Variants in RREB1 observed in about 807,000 individuals in gnomAD.
RREB1 encodes the protein ras responsive element binding protein 1.
In RREB1, 27 loss-of-function variants were observed where a neutral mutation model predicts 117.8. The observed-to-expected ratio is 0.23, with a 90% confidence interval of 0.17 to 0.32. RREB1 has a LOEUF of 0.32. Ranked by LOEUF, RREB1 falls within the 10% of genes least tolerant of loss-of-function variation. The pLI is 1.00. For missense variants in RREB1, 2,577 were observed against 2,378.2 expected, an observed-to-expected ratio of 1.08 and a Z score of -1.74; for synonymous variants, 1,298 against 1,026.7, an observed-to-expected ratio of 1.26 and a Z score of -5.05.
chr6:7,166,981 C>G (rs1486044822), intron 1 of RREB1, among the ~76,000 whole-genome samples: 1 of 152,132 alleles, frequency 6.6e-6, no homozygotes, highest in Non-Finnish European at 1.5e-5. Flanking sequence ...GAAATGTGAC[C>G]GAAGATACTT....
intron 1 of RREB1, among the ~76,000 whole-genome samples, chr6:7,127,931 C>T (rs978669183): frequency 6.6e-6 from 1 of 151,972 alleles, no homozygotes; most frequent in Non-Finnish European, 1.5e-5. Flanking sequence ...ATCATGTGCC[C>T]GAGGCCTGAA....
At chr6:7,117,180 TA>T (rs989856125) in intron 1 of RREB1, among the ~76,000 whole-genome samples, 7 of 152,268 alleles carry the variant, frequency 4.6e-5, no homozygotes, top group African/African-American at 1.4e-4. Flanking sequence ...ATCATATTTA[TA>T]AAAATAATCA....
intron 10 of RREB1, 113 bp from the exon 11 acceptor site, chr6:7,240,325 G>T (rs1768621230): frequency 3.0e-6 from 2 of 673,222 alleles, no homozygotes; most frequent in Admixed American, 2.9e-5. Context: ...TTCTTGAAGG[G>T]ATGGAGGAGG....
rs757754835 is a variant in RREB1 at position 7,182,094 on chromosome 6, C to T, written c.171+12C>T. 2 of 1,612,518 alleles carry T rather than the reference C, an allele frequency of 1.2e-6. No homozygotes were observed. The highest frequency in any genetic ancestry group is 3.3e-5 in the Admixed American group (2 of 59,956). On this transcript the variant is annotated intron_variant, in intron 4 of 12. Transcript: ENST00000379938. Reference sequence around the variant, plus strand: ...GCAGAAGGAACCAGGTAAGTGTTCACACCTAGTGGTGACCTCTGGTGGGTT... The same window carrying T: ...GCAGAAGGAACCAGGTAAGTGTTCATACCTAGTGGTGACCTCTGGTGGGTT...
chr6:7,111,109 G>A (rs1461658348), intron 1 of RREB1, among the ~76,000 whole-genome samples: 1 of 152,176 alleles, frequency 6.6e-6, no homozygotes, highest in Non-Finnish European at 1.5e-5. Context: ...CGTGTTGAAG[G>A]AAGAAAATAA....
At chr6:7,128,676 G>GTT (rs1206366982) in intron 1 of RREB1, among the ~76,000 whole-genome samples, 1 of 151,304 alleles carries the variant, frequency 6.6e-6, no homozygotes, top group Non-Finnish European at 1.5e-5. Flanking sequence ...GACTCAATTT[G>GTT]TTTGTCTTGG....
At chr6:7,182,810 T>C (rs1024894961) in intron 4 of RREB1, among the ~76,000 whole-genome samples, 9 of 152,188 alleles carry the variant, frequency 5.9e-5, no homozygotes, top group Non-Finnish European at 1.0e-4. Context: ...ACGAGTTGAC[T>C]TCCTCGTGTT....
chr6:7,114,765 G>A (rs1275895690), intron 1 of RREB1, among the ~76,000 whole-genome samples: 1 of 152,178 alleles, frequency 6.6e-6, no homozygotes, highest in Non-Finnish European at 1.5e-5. Context: ...CAGAAAATTT[G>A]GGGTTGAGGA....
At chr6:7,168,130 C>T (rs1439075574) in intron 1 of RREB1, among the ~76,000 whole-genome samples, 2 of 151,846 alleles carry the variant, frequency 1.3e-5, no homozygotes, top group Non-Finnish European at 2.9e-5. Context: ...TGATGCATGC[C>T]TGTAATCCCA....
At chr6:7,138,820 GT>G (rs1319659415) in intron 1 of RREB1, among the ~76,000 whole-genome samples, 2 of 152,164 alleles carry the variant, frequency 1.3e-5, no homozygotes, top group Non-Finnish European at 2.9e-5. Flanking sequence ...AAAGTAACTT[GT>G]TCCTAGTTGC....
Position 7,177,359 on chromosome 6 carries a change from CT to C in RREB1, c.-166+597del, listed in dbSNP as rs1173335344. On this transcript the variant is annotated intron_variant, in intron 2 of 12. Coordinates refer to ENST00000379938, the MANE Select transcript of RREB1 (RefSeq NM_001003699.4). ...GAAGCAACACTTTGGACATCTCTCT[CT>C]TTTTTTTTTTCCCTTTTCTCTCCCT... Among the ~76,000 whole-genome samples, 285 of 144,938 alleles carry C rather than the reference CT, an allele frequency of 2.0e-3. 4 individuals carry two copies. Among genetic ancestry groups the C allele is most frequent in the Admixed American group, 0.014 (208 of 14,526 alleles).
intron 9 of RREB1, among the ~76,000 whole-genome samples, 163 bp from the exon 10 acceptor site, chr6:7,228,834 A>C (rs1190391031): frequency 6.6e-6 from 1 of 151,926 alleles, no homozygotes. Context: ...TTGTAGAGAT[A>C]CGGGATCTTG....
rs1347163094 is a variant in RREB1 at position 7,246,992 on chromosome 6, C to G, written c.4542C>G (p.Ala1514=). Residue 1514 remains alanine (A), a synonymous_variant, in exon 12 of 13, where the codon GCC becomes GCG. Transcript: ENST00000379938. ...AGGTGGTGGAGTCGGCCCCGGGTGCCGGGGAGGCCCCGGCGGAAAAGCTCG... is the reference window on the plus strand; with the variant it reads ...AGGTGGTGGAGTCGGCCCCGGGTGCGGGGGAGGCCCCGGCGGAAAAGCTCG... ...PAEVVESAPG[A]GEAPAEKLAE... is the part of the protein sequence containing the mutation. The G allele has an allele frequency of 5.6e-6, 9 of 1,595,030 alleles. No individual in the cohort carries two copies. The Admixed American group carries it at 1.0e-4, about 18-fold the overall frequency.
At chr6:7,167,416 C>T (rs1273545374) in intron 1 of RREB1, among the ~76,000 whole-genome samples, 2 of 146,194 alleles carry the variant, frequency 1.4e-5, no homozygotes, top group African/African-American at 5.1e-5. Context: ...TGCAATGGCA[C>T]TATCTTGGTT....
In RREB1 at chr6:7,248,578, C is replaced by A; in HGVS notation, c.4839C>A (p.His1613Gln). ...CCTTGAAGCACAGCCTGGTTCGCCA[C>A]CAGCGGATCCACCAGAAAGCCAGGC... ...TFTLKHSLVRHQRIHQKARHA... is the reference protein window; with the variant it reads ...TFTLKHSLVRQQRIHQKARHA... Residue 1613 changes from histidine to glutamine, a missense_variant, in exon 13 of 13, where the codon CAC becomes CAA. Physicochemically the swap from His to Gln is conservative, Grantham distance 24. Transcript: ENST00000379938. 1 of 1,614,260 alleles carries A rather than the reference C, an allele frequency of 6.2e-7. No individual in the cohort carries two copies. The highest frequency in any genetic ancestry group is 8.5e-7 in the Non-Finnish European group (1 of 1,180,046).
At chr6:7,144,925 G>A (rs1762789734) in intron 1 of RREB1, among the ~76,000 whole-genome samples, 1 of 152,192 alleles carries the variant, frequency 6.6e-6, no homozygotes, top group Middle Eastern at 3.2e-3. Flanking sequence ...CTTCAGCGAG[G>A]TTATGAAGGC....
chr6:7,246,735 C>T lies in RREB1; in HGVS notation c.4285C>T (p.Leu1429=). ...DFATKLMDFK[L]AEGDGEAGAG... ...CGCCACCAAGCTCATGGACTTCAAG[C>T]TGGCGGAGGGCGACGGCGAGGCAGG... Residue 1429 remains leucine, a synonymous_variant, in exon 12 of 13, where the codon CTG becomes TTG. Coordinates refer to ENST00000379938, the MANE Select transcript of RREB1 (RefSeq NM_001003699.4). The T allele has an allele frequency of 6.3e-7, 1 of 1,578,534 alleles. No individual in the cohort carries two copies. The highest frequency in any genetic ancestry group is 8.6e-7 in the Non-Finnish European group (1 of 1,162,662).
chr6:7,237,281 T>C (rs1165549471), intron 10 of RREB1, among the ~76,000 whole-genome samples: 1 of 152,140 alleles, frequency 6.6e-6, no homozygotes, highest in African/African-American at 2.4e-5. Flanking sequence ...GAGACAGGGT[T>C]TCACCACATT....
intron 1 of RREB1, among the ~76,000 whole-genome samples, chr6:7,163,292 A>C (rs908443594): frequency 2.6e-5 from 4 of 152,218 alleles, no homozygotes; most frequent in Admixed American, 6.5e-5. Flanking sequence ...CACTCCAGGA[A>C]GTCACTGGCC....
Sources: gnomAD v4.1 joint callset for allele counts (sites outside exome capture counted in the v4.1 genomes callset) on GRCh38, gnomAD v4.1.1 for gene constraint, MANE v1.5 for transcripts, NCBI Gene and HGNC (gene_info 2026-07-23, HGNC 2026-07-21) for gene names.